SEC63: variants seen among roughly 807,000 people sequenced by gnomAD.
The protein encoded by SEC63 is SEC63 protein translocation regulator, also known as translocation protein SEC63 homolog.
In SEC63, 56 loss-of-function variants were observed where a neutral mutation model predicts 116.2. That is an observed-to-expected ratio of 0.48 (90% CI 0.39 to 0.60). The LOEUF (loss-of-function observed/expected upper bound fraction) is 0.60. Among genes scored for constraint, SEC63 ranks in the 20% least tolerant of loss-of-function variants. SEC63 has a pLI of 0.00. For missense variants in SEC63, 668 were observed against 900.0 expected (o/e 0.74, Z 3.30); for synonymous variants, 273 against 294.6 (o/e 0.93, Z 0.75).
rs73499115 is a variant in SEC63 at position 107,880,973 on chromosome 6, G to A, written c.1935+176C>T. On this transcript the variant is annotated intron_variant, in intron 18 of 20. Coordinates refer to ENST00000369002, the MANE Select transcript of SEC63 (RefSeq NM_007214.5). ...TAACAATCTCTTTTATAAGCAACAC[G>A]TTCACTAAGTATAATACCTATTGTA... The A allele has an allele frequency of 3.2e-3, 1,787 of 566,168 alleles. 23 individuals are homozygous for A. The highest frequency in any genetic ancestry group is 0.031 in the African/African-American group (1,628 of 52,952). 35.1% of individuals were successfully genotyped at this position (566,168 alleles called of 1,614,324 possible). A position where few individuals can be genotyped will look rare whatever the true frequency, so the allele number is the denominator to read the frequency against.
At chr6:107,934,356 G>A (rs1174202731) in intron 1 of SEC63, among the ~76,000 whole-genome samples, 1 of 151,090 alleles carries the variant, frequency 6.6e-6, no homozygotes, top group African/African-American at 2.4e-5. Context: ...AGGAAGTGAG[G>A]AGCGTCTCTG....
intron 20 of SEC63, among the ~76,000 whole-genome samples, chr6:107,872,052 T>A (rs1786147794): frequency 6.6e-6 from 1 of 152,254 alleles, no homozygotes; most frequent in African/African-American, 2.4e-5. Flanking sequence ...GTAAATGTAG[T>A]TAAATTTCTA....
chr6:107,910,540 C>CAT (rs760981726), intron 7 of SEC63, among the ~76,000 whole-genome samples: 3 of 144,858 alleles, frequency 2.1e-5, no homozygotes, highest in Non-Finnish European at 4.7e-5. Context: ...GCATGTCATA[C>CAT]ATATATACAT....
At chr6:107,925,084 T>C in intron 2 of SEC63, 152 bp from the exon 3 acceptor site, 1 of 677,700 alleles carries the variant, frequency 1.5e-6, no homozygotes. Flanking sequence ...CAAACTCCTG[T>C]TACAGCAACG....
chr6:107,882,896 A>G (rs1190363232), intron 17 of SEC63, 92 bp downstream of exon 17: 1 of 829,214 alleles, frequency 1.2e-6, no homozygotes, highest in East Asian at 2.5e-5. Flanking sequence ...GCAAGCGAGC[A>G]AGCAAACAAA....
At chr6:107,952,266 T>C (rs1402236250) in intron 1 of SEC63, among the ~76,000 whole-genome samples, 1 of 152,202 alleles carries the variant, frequency 6.6e-6, no homozygotes, top group Non-Finnish European at 1.5e-5. Flanking sequence ...TCAATTAACA[T>C]GTCAAATATG....
At chr6:107,938,357 C>A (rs550721417) in intron 1 of SEC63, among the ~76,000 whole-genome samples, 1 of 149,422 alleles carries the variant, frequency 6.7e-6, no homozygotes, top group Non-Finnish European at 1.5e-5. Flanking sequence ...CTCAAGGGAT[C>A]CTCTCACCTC....
At chr6:107,895,085 A>G (rs1786783732) in intron 14 of SEC63, among the ~76,000 whole-genome samples, 1 of 152,232 alleles carries the variant, frequency 6.6e-6, no homozygotes, top group South Asian at 2.1e-4. Flanking sequence ...GGGTTCTGAT[A>G]CTTGATTACT....
chr6:107,918,632 CA>C (rs1787470373), intron 4 of SEC63, among the ~76,000 whole-genome samples: 1 of 149,170 alleles, frequency 6.7e-6, no homozygotes, highest in South Asian at 2.1e-4. Flanking sequence ...GCAAAGGTAG[CA>C]GTAAGCCAAG....
In SEC63 at chr6:107,935,123, GGGTC is replaced by G. The variant is rs1303041963; in HGVS notation, c.125-5613_125-5610del. Among the ~76,000 whole-genome samples the G allele has an allele frequency of 8.3e-5, 12 of 143,986 alleles. No individual in the cohort carries two copies. In the East Asian group the frequency reaches 2.4e-3, roughly 28 times the overall value. 94.5% of individuals were successfully genotyped at this position (143,986 alleles called of 152,430 possible). A position where few individuals can be genotyped will look rare whatever the true frequency, so the allele number is the denominator to read the frequency against. On this transcript the variant is annotated intron_variant, in intron 1 of 20. Coordinates refer to ENST00000369002, the MANE Select transcript of SEC63 (RefSeq NM_007214.5). ...TGCCCCGTCCGGGAGGGAGGTGGGGGGGTCAGCCCCCCGCCCAGCCAGCTGCCCC... is the reference window on the plus strand; with the variant it reads ...TGCCCCGTCCGGGAGGGAGGTGGGGGAGCCCCCCGCCCAGCCAGCTGCCCC...
At chr6:107,899,848 T>G (rs1197560792) in intron 13 of SEC63, among the ~76,000 whole-genome samples, 1 of 152,224 alleles carries the variant, frequency 6.6e-6, no homozygotes, top group Admixed American at 6.5e-5. Context: ...AAATACAGCT[T>G]TTAAATTAGT....
Position 107,867,828 on chromosome 6 carries a change from A to C in SEC63, c.*3876T>G, listed in dbSNP as rs1369888203. 6.6e-6 allele frequency: 1 copy of C among 152,230 alleles called. No individual in the cohort carries two copies. The highest frequency in any genetic ancestry group is 1.9e-4 in the East Asian group (1 of 5,204). 9.4% of individuals were successfully genotyped at this position (152,230 alleles called of 1,614,324 possible). On this transcript the variant is annotated 3_prime_UTR_variant, in exon 21 of 21. Coordinates refer to ENST00000369002, the MANE Select transcript of SEC63 (RefSeq NM_007214.5). ...TGTACAATATATTATGTACATTATA[A>C]AACACACAAAAATAGAAATTTAAAA...
chr6:107,923,538 T>C (rs961145104), intron 3 of SEC63, among the ~76,000 whole-genome samples: 2 of 152,120 alleles, frequency 1.3e-5, no homozygotes, highest in Non-Finnish European at 2.9e-5. Context: ...TTCACTTTAG[T>C]TTTAAGAGAC....
intron 3 of SEC63, among the ~76,000 whole-genome samples, chr6:107,922,370 G>C (rs540996512): frequency 3.7e-4 from 56 of 152,318 alleles, no homozygotes; most frequent in African/African-American, 1.3e-3. Context: ...AGCTCGTGTG[G>C]TGATGCACAC....
At chr6:107,917,154 A>C (rs1349910494) in intron 4 of SEC63, among the ~76,000 whole-genome samples, 1 of 152,244 alleles carries the variant, frequency 6.6e-6, no homozygotes, top group Non-Finnish European at 1.5e-5. Flanking sequence ...TTGTACCTTA[A>C]GGACATGCTC....
At chr6:107,887,500 A>C (rs1786559246) in intron 16 of SEC63, among the ~76,000 whole-genome samples, 1 of 148,948 alleles carries the variant, frequency 6.7e-6, no homozygotes, top group African/African-American at 2.5e-5. Context: ...TTGCAAGAAC[A>C]AAAAACCAAA....
chr6:107,917,975 T>G (rs1023815192), intron 4 of SEC63, among the ~76,000 whole-genome samples: 8 of 152,236 alleles, frequency 5.3e-5, no homozygotes, highest in African/African-American at 1.7e-4. Flanking sequence ...TGGAAAAATA[T>G]GCCATTTAGG....
At chr6:107,930,907 A>G (rs1787791471) in intron 1 of SEC63, among the ~76,000 whole-genome samples, 1 of 152,130 alleles carries the variant, frequency 6.6e-6, no homozygotes, top group South Asian at 2.1e-4. Context: ...AGGCACAAGA[A>G]TCACTTGAAC....
Position 107,868,925 on chromosome 6 carries a change from T to G in SEC63, c.*2779A>C, listed in dbSNP as rs895278711. 1 of 152,160 alleles carries G rather than the reference T, an allele frequency of 6.6e-6. No homozygotes were observed. The allele number at this position is 152,160 out of a possible 1,614,324, so 9.4% of individuals were successfully genotyped here. On this transcript the variant is annotated 3_prime_UTR_variant, in exon 21 of 21. Coordinates refer to ENST00000369002, the MANE Select transcript of SEC63 (RefSeq NM_007214.5). ...GAATTGTGACTACAGAACACTCTAG[T>G]ATATGGTTTGGATTGGCTGAAGCAA...
Sources: gnomAD v4.1 joint callset for allele counts (sites outside exome capture counted in the v4.1 genomes callset) on GRCh38, gnomAD v4.1.1 for gene constraint, MANE v1.5 for transcripts, NCBI Gene and HGNC (gene_info 2026-07-23, HGNC 2026-07-21) for gene names.